The following GALNT13 variants were observed in gnomAD, a reference collection of about 807,000 sequenced individuals.
The protein encoded by GALNT13 is UDP-GalNAc:polypeptide N-acetylgalactosaminyltransferase 13.
A neutral mutation model predicts 64.2 loss-of-function variants in GALNT13; 28 were observed. The ratio of observed to expected loss-of-function variants is 0.44; its 90% CI spans 0.32 to 0.60. GALNT13 has a LOEUF of 0.60. Among genes scored for constraint, GALNT13 ranks in the 20% least tolerant of loss-of-function variants. The probability of loss-of-function intolerance (pLI) is 0.05; values close to 1 mark genes in which losing one functional copy is unlikely to be tolerated. For synonymous variants in GALNT13, 214 were observed against 224.6 expected, an observed-to-expected ratio of 0.95 and a Z score of 0.42; for missense variants, 577 against 669.8, an observed-to-expected ratio of 0.86 and a Z score of 1.53.
chr2:153,693,354 A>T, the GALNT13 span, among the ~76,000 whole-genome samples: 1 of 152,122 alleles, frequency 6.6e-6, no homozygotes, highest in Admixed American at 6.6e-5. Flanking sequence ...GATCTAGGAG[A>T]TATGAGAAGT....
At chr2:153,419,765 TTTAG>T in the GALNT13 span, among the ~76,000 whole-genome samples, 1 of 152,202 alleles carries the variant, frequency 6.6e-6, no homozygotes. Flanking sequence ...TAATATTTAC[TTTAG>T]TTATGCTATC....
At chr2:153,774,875 G>A in the GALNT13 span, among the ~76,000 whole-genome samples, 6 of 152,104 alleles carry the variant, frequency 3.9e-5, no homozygotes, top group Non-Finnish European at 7.4e-5. Context: ...ATGCCACTGC[G>A]CTCCAACCTG....
the GALNT13 span, among the ~76,000 whole-genome samples, chr2:153,779,591 T>A: frequency 6.6e-6 from 1 of 152,194 alleles, no homozygotes; most frequent in Non-Finnish European, 1.5e-5. Context: ...TATTTCATAT[T>A]CTTATAAGCA....
the GALNT13 span, among the ~76,000 whole-genome samples, chr2:153,212,730 G>A: frequency 6.6e-6 from 1 of 152,064 alleles, no homozygotes; most frequent in East Asian, 1.9e-4. Context: ...TGGGAATCAA[G>A]GATTCTTTTT....
At chr2:153,154,871 T>C in the GALNT13 span, among the ~76,000 whole-genome samples, 2 of 152,260 alleles carry the variant, frequency 1.3e-5, no homozygotes, top group South Asian at 4.1e-4. Context: ...GTTTGTCGTA[T>C]ATGGCTCTTA....
chr2:153,478,426 T>A, the GALNT13 span: 1 of 1,614,034 alleles, frequency 6.2e-7, no homozygotes, highest in African/African-American at 1.3e-5. Context: ...GCTACGCTCG[T>A]CCGGGCCTCC....
chr2:154,219,719 C>G (rs1259943301), intron 4 of GALNT13, among the ~76,000 whole-genome samples: 1 of 152,060 alleles, frequency 6.6e-6, no homozygotes, highest in Admixed American at 6.6e-5. Context: ...TATTAAAGTA[C>G]CAGAATATCT....
the GALNT13 span, among the ~76,000 whole-genome samples, chr2:153,668,322 G>A: frequency 6.6e-6 from 1 of 152,136 alleles, no homozygotes; most frequent in Non-Finnish European, 1.5e-5. Flanking sequence ...TCATCTGTAT[G>A]TGACACATAC....
chr2:154,151,893 G>T (rs535438289), intron 4 of GALNT13, among the ~76,000 whole-genome samples: 2 of 152,226 alleles, frequency 1.3e-5, no homozygotes, highest in Non-Finnish European at 2.9e-5. Context: ...CAATTTGCCA[G>T]TCTGTGTCTT....
the GALNT13 span, among the ~76,000 whole-genome samples, chr2:153,737,564 A>G: frequency 6.6e-6 from 1 of 152,068 alleles, no homozygotes; most frequent in Non-Finnish European, 1.5e-5. Flanking sequence ...ACTTATGTTT[A>G]TCTACCCTAT....
At chr2:154,042,556 T>A (rs1699037765) in intron 3 of GALNT13, among the ~76,000 whole-genome samples, 1 of 117,474 alleles carries the variant, frequency 8.5e-6, no homozygotes, top group Non-Finnish European at 2.1e-5. Context: ...TAATCTTTTT[T>A]AAAGTGCACA....
Position 154,200,660 on chromosome 2 carries a change from G to C in GALNT13, c.312-41370G>C, listed in dbSNP as rs371621501. 1.6e-4 allele frequency among the ~76,000 whole-genome samples: 25 copies of C among 152,238 alleles called. 1 individual carries two copies. The South Asian group carries it at 5.2e-3, about 32-fold the overall frequency. Reference sequence around the variant, plus strand: ...TGGCAGAAGGTAGAAGGGCAAGAGGGCCAAGTATTGTGTGAAGTCTCTTTT... The same window carrying C: ...TGGCAGAAGGTAGAAGGGCAAGAGGCCCAAGTATTGTGTGAAGTCTCTTTT... On this transcript the variant is annotated intron_variant, in intron 4 of 12. Transcript: ENST00000392825.
the GALNT13 span, among the ~76,000 whole-genome samples, chr2:153,793,309 A>G: frequency 2.6e-5 from 4 of 152,140 alleles, no homozygotes; most frequent in African/African-American, 9.7e-5. Flanking sequence ...GGCTTTAAAA[A>G]AAATACAGGT....
At chr2:153,444,474 A>C in the GALNT13 span, among the ~76,000 whole-genome samples, 10 of 152,354 alleles carry the variant, frequency 6.6e-5, no homozygotes, top group Non-Finnish European at 1.2e-4. Context: ...GCACTAGCAG[A>C]AAAGCATTAT....
At chr2:154,388,630 A>T (rs1371118525) in intron 9 of GALNT13, among the ~76,000 whole-genome samples, 1 of 152,158 alleles carries the variant, frequency 6.6e-6, no homozygotes, top group South Asian at 2.1e-4. Flanking sequence ...TCCCAATACC[A>T]TTTACAATTT....
chr2:153,487,231 C>T, the GALNT13 span, among the ~76,000 whole-genome samples: 1 of 152,178 alleles, frequency 6.6e-6, no homozygotes, highest in African/African-American at 2.4e-5. Flanking sequence ...TTTCAGATAA[C>T]AAGCAGGGGT....
chr2:153,361,965 CAGAGAG>C, the GALNT13 span, among the ~76,000 whole-genome samples: 1 of 152,068 alleles, frequency 6.6e-6, no homozygotes, highest in African/African-American at 2.4e-5. Context: ...TAAGGGCAGC[CAGAGAG>C]AAAGGCCAGG....
intron 3 of GALNT13, among the ~76,000 whole-genome samples, chr2:154,058,530 TACA>T (rs1405683851): frequency 1.3e-5 from 2 of 152,176 alleles, no homozygotes; most frequent in Non-Finnish European, 2.9e-5. Flanking sequence ...AAGGGAATCT[TACA>T]ACATTAAGTA....
At chr2:153,770,316 G>C in the GALNT13 span, among the ~76,000 whole-genome samples, 1 of 152,010 alleles carries the variant, frequency 6.6e-6, no homozygotes, top group African/African-American at 2.4e-5. Context: ...TTTGACTTTG[G>C]TCTGGTTGCT....
Sources: allele counts gnomAD v4.1 joint callset (sites outside exome capture counted in the v4.1 genomes callset), GRCh38; gene constraint gnomAD v4.1.1; transcripts MANE v1.5; gene names NCBI Gene and HGNC (gene_info 2026-07-23, HGNC 2026-07-21).